The following WDR64 variants were observed in gnomAD, a reference collection of about 807,000 sequenced individuals.
WDR64 encodes the protein WD repeat-containing protein 64.
A neutral mutation model predicts 139.3 loss-of-function variants in WDR64; 112 were observed. The observed-to-expected ratio is 0.80, with a 90% confidence interval of 0.69 to 0.94. The LOEUF (loss-of-function observed/expected upper bound fraction) is 0.94, where lower values mean the gene tolerates loss of function less well. WDR64 is among the 40% of genes least tolerant of loss of function. The probability of loss-of-function intolerance (pLI) is 0.00; values close to 1 mark genes in which losing one functional copy is unlikely to be tolerated. For synonymous variants in WDR64, 444 were observed against 437.7 expected (o/e 1.01, Z -0.18); for missense variants, 1,206 against 1,293.1 (o/e 0.93, Z 1.03).
rs144354112 is a variant in WDR64 at position 241,764,877 on chromosome 1, C to T, written c.1948-1341C>T. ...ACTTGAATGATGAACTGAAAAATAG[C>T]GCTAACCAATGAAATAAAGAATAGA... On this transcript the variant is annotated intron_variant, in intron 15 of 27. Coordinates refer to ENST00000437684, the MANE Select transcript of WDR64 (RefSeq NM_001367482.1). 4.8e-3 allele frequency among the ~76,000 whole-genome samples: 736 copies of T among 152,130 alleles called. 5 individuals carry two copies. Among genetic ancestry groups the T allele is most frequent in the Middle Eastern group, 0.014 (4 of 292 alleles).
In WDR64 at chr1:241,772,451, C is replaced by CCTTTTTTT. The variant is rs1658491003; in HGVS notation, c.2291-341_2291-340insCTTTTTTT. Among the ~76,000 whole-genome samples the CCTTTTTTT allele has an allele frequency of 2.0e-4, 12 of 59,054 alleles. No individual in the cohort carries two copies. In the South Asian group the frequency reaches 0.011, roughly 55 times the overall value. 38.7% of individuals were successfully genotyped at this position (59,054 alleles called of 152,430 possible). A position where few individuals can be genotyped will look rare whatever the true frequency, so the allele number is the denominator to read the frequency against. ...AGTATTGCAAATTCCAAGATAGATC[C>CCTTTTTTT]TTTTTTTTTTTTTTTTTTTTTTTTT... is the stretch of plus-strand genomic sequence containing the variant. On this transcript the variant is annotated intron_variant, in intron 19 of 27. Transcript: ENST00000437684.
intron 15 of WDR64, among the ~76,000 whole-genome samples, chr1:241,763,759 C>T (rs1188785418): frequency 6.6e-6 from 1 of 152,088 alleles, no homozygotes; most frequent in Non-Finnish European, 1.5e-5. Context: ...GCATGGAAAT[C>T]CTCTCCCTAA....
At chr1:241,673,844 A>AT (rs1409565047) in intron 3 of WDR64, among the ~76,000 whole-genome samples, 4 of 152,078 alleles carry the variant, frequency 2.6e-5, no homozygotes, top group Non-Finnish European at 5.9e-5. Flanking sequence ...CAAAATGCAC[A>AT]TTTTTTTAAG....
intron 13 of WDR64, among the ~76,000 whole-genome samples, chr1:241,748,966 A>AAAAAG (rs554888617): frequency 8.6e-4 from 129 of 150,640 alleles, no homozygotes; most frequent in Admixed American, 2.0e-3. Context: ...AGAAAGAAAG[A>AAAAAG]AAAAGAAAAG....
intron 8 of WDR64, among the ~76,000 whole-genome samples, chr1:241,701,356 T>C (rs1014723956): frequency 6.6e-6 from 1 of 152,222 alleles, no homozygotes; most frequent in African/African-American, 2.4e-5. Flanking sequence ...TATGTTTTTT[T>C]CAAAATGCAT....
chr1:241,778,756 A>G (rs1030762399), intron 21 of WDR64, among the ~76,000 whole-genome samples: 1 of 152,102 alleles, frequency 6.6e-6, no homozygotes, highest in Non-Finnish European at 1.5e-5. Flanking sequence ...TTCAAGTAAT[A>G]TTATGCCACT....
At chr1:241,788,394 A>C (rs541643405) in intron 24 of WDR64, among the ~76,000 whole-genome samples, 66 of 152,340 alleles carry the variant, frequency 4.3e-4, no homozygotes, top group African/African-American at 1.6e-3. Context: ...TCCTGGTTTT[A>C]GACATCCTTT....
At position 241,769,486 on chromosome 1, in the gene WDR64, C is replaced by A. The variant is rs772475450; in HGVS notation, c.2164C>A (p.Arg722Ser). Residue 722 changes from arginine (R) to serine (S), a missense_variant, in exon 17 of 28, where the codon CGT becomes AGT. Coordinates refer to ENST00000437684, the MANE Select transcript of WDR64 (RefSeq NM_001367482.1). ...FKINDILFLF[R>S]TPECARRSSQ... The stretch of plus-strand genomic sequence containing the variant: ...AATTAATGACATACTGTTCCTCTTT[C>A]GTACCCCTGAATGTGCAAGGTAACT... 1.0e-5 allele frequency: 16 copies of A among 1,551,370 alleles called. No homozygotes were observed. In the South Asian group the frequency reaches 1.8e-4, roughly 17 times the overall value.
intron 9 of WDR64, among the ~76,000 whole-genome samples, chr1:241,712,210 C>T (rs1424490880): frequency 6.6e-6 from 1 of 152,096 alleles, no homozygotes; most frequent in Admixed American, 6.5e-5. Context: ...AGACCTGGAG[C>T]CCCCGGCACT....
rs368550460 is a variant in WDR64 at position 241,766,334 on chromosome 1, G to A, written c.2064G>A (p.Thr688=). ...NGVIILWNFV[T]STVKKVYRPE... ...TGATCATCTTATGGAATTTTGTGAC[G>A]TCTACTGTCAAAAAAGTGTAAGTTG... is the stretch of plus-strand genomic sequence containing the variant. Residue 688 remains threonine (T), a synonymous_variant, in exon 16 of 28, where the codon ACG becomes ACA. Coordinates refer to ENST00000437684, the MANE Select transcript of WDR64 (RefSeq NM_001367482.1). 8.1e-6 allele frequency: 13 copies of A among 1,613,824 alleles called. No individual in the cohort carries two copies. Among genetic ancestry groups the A allele is most frequent in the East Asian group, 4.5e-5 (2 of 44,872 alleles).
At chr1:241,784,181 T>C (rs952203969) in intron 23 of WDR64, among the ~76,000 whole-genome samples, 1 of 152,232 alleles carries the variant, frequency 6.6e-6, no homozygotes. Flanking sequence ...CAGGAGGCAC[T>C]GGTAAGAATT....
At chr1:241,673,214 A>G (rs976683395) in intron 3 of WDR64, among the ~76,000 whole-genome samples, 1 of 151,894 alleles carries the variant, frequency 6.6e-6, no homozygotes, top group African/African-American at 2.4e-5. Context: ...TAGCATTAGG[A>G]GATACACCTA....
intron 5 of WDR64, among the ~76,000 whole-genome samples, chr1:241,678,689 A>G (rs1458140210): frequency 6.6e-6 from 1 of 152,104 alleles, no homozygotes; most frequent in Non-Finnish European, 1.5e-5. Flanking sequence ...TTGTAAAGCT[A>G]CAGTGACTTG....
chr1:241,732,960 G>A (rs1445303318), intron 10 of WDR64, among the ~76,000 whole-genome samples: 1 of 152,082 alleles, frequency 6.6e-6, no homozygotes, highest in Non-Finnish European at 1.5e-5. Flanking sequence ...CTCACTTCGG[G>A]TACACACATG....
intron 14 of WDR64, among the ~76,000 whole-genome samples, chr1:241,751,860 T>C (rs1669992644): frequency 6.6e-6 from 1 of 152,118 alleles, no homozygotes; most frequent in African/African-American, 2.4e-5. Context: ...TCTCATAATC[T>C]CAGTTTTAAG....
At chr1:241,793,435 T>C (rs1432151323) in intron 25 of WDR64, among the ~76,000 whole-genome samples, 3 of 152,116 alleles carry the variant, frequency 2.0e-5, no homozygotes, top group South Asian at 2.1e-4. Flanking sequence ...ACCTTCAAAG[T>C]TGGGGGTGTT....
At chr1:241,770,043 T>C (rs2148298293) in intron 17 of WDR64, among the ~76,000 whole-genome samples, 1 of 152,264 alleles carries the variant, frequency 6.6e-6, no homozygotes, top group Non-Finnish European at 1.5e-5. Flanking sequence ...ACACATAGCT[T>C]TGGAGAGAAA....
intron 2 of WDR64, among the ~76,000 whole-genome samples, chr1:241,664,386 A>T (rs1261641595): frequency 1.3e-5 from 2 of 150,696 alleles, no homozygotes; most frequent in African/African-American, 5.0e-5. Context: ...ACGTCAATAT[A>T]AAAAAATTAT....
chr1:241,683,451 A>C (rs146568692), intron 6 of WDR64, 36 bp from the exon 7 acceptor site: 7 of 1,541,324 alleles, frequency 4.5e-6, no homozygotes, highest in Non-Finnish European at 6.2e-6. Context: ...AACAGAGCAA[A>C]GTAATAATTC....
Sources: allele counts gnomAD v4.1 joint callset (sites outside exome capture counted in the v4.1 genomes callset), GRCh38; gene constraint gnomAD v4.1.1; transcripts MANE v1.5; gene names NCBI Gene and HGNC (gene_info 2026-07-23, HGNC 2026-07-21).